Variants in PTPRE observed in about 807,000 individuals in gnomAD.
The protein encoded by PTPRE is receptor-type tyrosine-protein phosphatase epsilon.
A neutral mutation model predicts 102.0 loss-of-function variants in PTPRE; 51 were observed. That is an observed-to-expected ratio of 0.50 (90% CI 0.40 to 0.63). The LOEUF (loss-of-function observed/expected upper bound fraction) is 0.63. PTPRE is among the 30% of genes least tolerant of loss of function. The pLI is 0.00. For missense variants in PTPRE, 752 were observed against 915.1 expected (o/e 0.82, Z 2.30); for synonymous variants, 345 against 348.2 (o/e 0.99, Z 0.10).
intron 17 of PTPRE, among the ~76,000 whole-genome samples, chr10:128,074,535 G>A (rs752043284): frequency 5.3e-5 from 8 of 152,148 alleles, no homozygotes; most frequent in African/African-American, 1.4e-4. Context: ...GCATGGTGGC[G>A]GGAACCTGCA....
chr10:127,966,938 A>G (rs192670534), intron 1 of PTPRE, among the ~76,000 whole-genome samples: 86 of 152,376 alleles, frequency 5.6e-4, no homozygotes, highest in African/African-American at 1.9e-3. Flanking sequence ...AATGATTAAA[A>G]TCAGAAAATT....
Position 128,082,828 on chromosome 10 carries a change from T to G in PTPRE, c.2029-4T>G. On this transcript the variant is annotated splice_polypyrimidine_tract_variant and splice_region_variant and intron_variant, in intron 20 of 20. Transcript: ENST00000254667. ...TTTTAATGTGTCCTTGTTTGTCTTT[T>G]CAGGAACAGTATGAATTCTGCTACA... 6.4e-7 allele frequency: 1 copy of G among 1,556,668 alleles called. No homozygotes were observed. Among genetic ancestry groups the G allele is most frequent in the Non-Finnish European group, 8.6e-7 (1 of 1,162,478 alleles).
intron 11 of PTPRE, among the ~76,000 whole-genome samples, chr10:128,067,220 A>G (rs940999732): frequency 2.0e-5 from 3 of 146,650 alleles, no homozygotes; most frequent in Non-Finnish European, 4.6e-5. Flanking sequence ...ACACATTCAC[A>G]TGCACACACA....
intron 1 of PTPRE, among the ~76,000 whole-genome samples, chr10:127,930,472 C>T (rs78904536): frequency 0.048 from 7,291 of 152,298 alleles, 263 homozygotes; most frequent in Middle Eastern, 0.085. Flanking sequence ...GGCTGAGTAG[C>T]ATTCTGTTGT....
At chr10:128,081,412 C>T (rs547777595) in intron 20 of PTPRE, among the ~76,000 whole-genome samples, 1 of 152,322 alleles carries the variant, frequency 6.6e-6, no homozygotes, top group South Asian at 2.1e-4. Flanking sequence ...TTGTATCATC[C>T]GAGCACACTC....
chr10:127,913,920 C>G (rs117039173), intron 1 of PTPRE, among the ~76,000 whole-genome samples: 3 of 152,116 alleles, frequency 2.0e-5, no homozygotes, highest in African/African-American at 7.2e-5. Context: ...GCTTTTTATT[C>G]TGTTGTTGGA....
intron 6 of PTPRE, among the ~76,000 whole-genome samples, chr10:128,052,544 A>T (rs1201992635): frequency 6.6e-6 from 1 of 152,094 alleles, no homozygotes; most frequent in Non-Finnish European, 1.5e-5. Flanking sequence ...CTGGACATGC[A>T]ACTGAATCCT....
At chr10:127,956,579 G>C (rs1849418582) in intron 1 of PTPRE, among the ~76,000 whole-genome samples, 1 of 152,174 alleles carries the variant, frequency 6.6e-6, no homozygotes, top group South Asian at 2.1e-4. Flanking sequence ...CACCTCATTT[G>C]GGCAAATGCC....
chr10:128,055,641 C>A (rs540522332), intron 6 of PTPRE, among the ~76,000 whole-genome samples: 2 of 152,072 alleles, frequency 1.3e-5, no homozygotes, highest in South Asian at 4.1e-4. Context: ...GGCTGTTTCC[C>A]GCCCCTTGCC....
intron 1 of PTPRE, among the ~76,000 whole-genome samples, chr10:127,935,729 C>T (rs1029799781): frequency 6.6e-6 from 1 of 152,152 alleles, no homozygotes; most frequent in Non-Finnish European, 1.5e-5. Context: ...TGAGGGCTGC[C>T]GTGTCCCCTC....
At chr10:127,988,626 C>A (rs1306970388) in intron 2 of PTPRE, among the ~76,000 whole-genome samples, 1 of 152,058 alleles carries the variant, frequency 6.6e-6, no homozygotes, top group Non-Finnish European at 1.5e-5. Context: ...TTTAAAGCTG[C>A]TCATACACAT....
At position 127,987,357 on chromosome 10, in the gene PTPRE, C is replaced by A. The variant is rs1210533659; in HGVS notation, c.-8+5061C>A. On this transcript the variant is annotated intron_variant, in intron 2 of 20. Transcript: ENST00000254667. ...TCAGGGAAACATGGATTCTCCAAGG[C>A]CAGGATGGTTTCCCAGCGTCTTCCC... is the stretch of plus-strand genomic sequence containing the variant. The A allele has an allele frequency of 6.2e-6, 8 of 1,283,724 alleles. No individual in the cohort carries two copies. In the East Asian group the frequency reaches 4.5e-4, roughly 72 times the overall value. The allele number at this position is 1,283,724 out of a possible 1,614,324, so 79.5% of individuals were successfully genotyped here. A position where few individuals can be genotyped will look rare whatever the true frequency, so the allele number is the denominator to read the frequency against.
At chr10:128,055,514 G>C (rs1848877499) in intron 6 of PTPRE, among the ~76,000 whole-genome samples, 1 of 152,236 alleles carries the variant, frequency 6.6e-6, no homozygotes, top group Middle Eastern at 3.4e-3. Flanking sequence ...CTGATTCTGT[G>C]GGTCTGGGGT....
At chr10:127,946,674 T>A (rs975488609) in intron 1 of PTPRE, among the ~76,000 whole-genome samples, 1 of 152,074 alleles carries the variant, frequency 6.6e-6, no homozygotes, top group Admixed American at 6.5e-5. Context: ...ACACTGCAGG[T>A]CACAAAGACT....
chr10:128,047,825 T>C lies in PTPRE; in HGVS notation c.271T>C (p.Leu91=), dbSNP rs1848231829. The C allele has an allele frequency of 6.2e-7, 1 of 1,602,100 alleles. No homozygotes were observed. Among genetic ancestry groups the C allele is most frequent in the Non-Finnish European group, 8.5e-7 (1 of 1,170,882 alleles). Reference sequence around the variant, plus strand: ...CGACAAGAAGATGCCCAACGGAATCTTGGAGGAGCAAGGTACAGAAGCTGC... The same window carrying C: ...CGACAAGAAGATGCCCAACGGAATCCTGGAGGAGCAAGGTACAGAAGCTGC... ...TSDKKMPNGI[L]EEQEQQRVML... The change falls in exon 5 of 21, where the codon TTG becomes CTG. Residue 91 remains leucine (L), a synonymous_variant. Transcript: ENST00000254667.
intron 2 of PTPRE, among the ~76,000 whole-genome samples, chr10:128,027,121 A>G (rs6482645): frequency 0.51 from 77,655 of 152,046 alleles, 20,224 homozygotes; most frequent in East Asian, 0.58. Context: ...TTTCCTAGAG[A>G]GGGTATTAGC....
chr10:128,042,219 C>T (rs564351934), intron 3 of PTPRE, among the ~76,000 whole-genome samples: 5 of 152,168 alleles, frequency 3.3e-5, no homozygotes, highest in African/African-American at 1.2e-4. Flanking sequence ...ACAAACTGCC[C>T]GGATGTACCC....
intron 3 of PTPRE, among the ~76,000 whole-genome samples, chr10:128,043,402 C>A (rs1266354186): frequency 6.6e-6 from 1 of 152,190 alleles, no homozygotes; most frequent in African/African-American, 2.4e-5. Flanking sequence ...GGCTCACGGT[C>A]CTGTAAGAAT....
chr10:128,067,487 C>T (rs1428069995), intron 11 of PTPRE, among the ~76,000 whole-genome samples: 2 of 152,054 alleles, frequency 1.3e-5, no homozygotes, highest in East Asian at 1.9e-4. Flanking sequence ...CACGTGCGCA[C>T]ATACACACAT....
Sources: gnomAD v4.1 joint callset for allele counts (sites outside exome capture counted in the v4.1 genomes callset) on GRCh38, gnomAD v4.1.1 for gene constraint, MANE v1.5 for transcripts, NCBI Gene and HGNC (gene_info 2026-07-23, HGNC 2026-07-21) for gene names.